The following ITIH3 variants were observed in gnomAD, a reference collection of about 807,000 sequenced individuals.
ITIH3 encodes the protein inter-alpha-trypsin inhibitor heavy chain H3.
In ITIH3, 81 loss-of-function variants were observed where a neutral mutation model predicts 96.5. That is an observed-to-expected ratio of 0.84 (90% CI 0.70 to 1.01). ITIH3 has a LOEUF of 1.01. Among genes scored for constraint, ITIH3 ranks in the 50% least tolerant of loss-of-function variants. ITIH3 has a pLI of 0.00. For synonymous variants in ITIH3, 422 were observed against 445.2 expected (o/e 0.95, Z 0.66); for missense variants, 1,057 against 1,139.3 (o/e 0.93, Z 1.04).
intron 15 of ITIH3, chr3:52,805,333 C>G: frequency 9.9e-7 from 1 of 1,011,162 alleles, no homozygotes; most frequent in Non-Finnish European, 1.2e-6. Context: ...TGGGCCATCA[C>G]ATTCCCCTCA....
intron 13 of ITIH3, among the ~76,000 whole-genome samples, chr3:52,803,519 A>G (rs1193877517): frequency 6.6e-6 from 1 of 151,948 alleles, no homozygotes; most frequent in East Asian, 1.9e-4. Flanking sequence ...GGGTTTCACC[A>G]TGTTGGCCAG....
At chr3:52,803,310 TATTTTATTATTATTA>T (rs1357815514) in intron 13 of ITIH3, among the ~76,000 whole-genome samples, 126 of 119,790 alleles carry the variant, frequency 1.1e-3, no homozygotes, top group African/African-American at 6.2e-3. Flanking sequence ...TTATTTATTT[TATTTTATTATTATTA>T]TTTTTTTTTT....
chr3:52,807,682 T>C (rs1410786458), intron 19 of ITIH3, 65 bp from the exon 20 acceptor site: 2 of 1,526,794 alleles, frequency 1.3e-6, no homozygotes, highest in Non-Finnish European at 1.8e-6. Context: ...CAAAACGCCC[T>C]TGAGTCAGAT....
intron 16 of ITIH3, 116 bp downstream of exon 16, chr3:52,805,956 C>A: frequency 6.5e-7 from 1 of 1,530,090 alleles, no homozygotes; most frequent in Admixed American, 1.7e-5. Flanking sequence ...GGACAATGTG[C>A]CCTGAGGAGA....
intron 5 of ITIH3, 70 bp from the exon 6 acceptor site, chr3:52,797,747 C>A: frequency 1.1e-6 from 1 of 940,678 alleles, no homozygotes; most frequent in Non-Finnish European, 1.7e-6. Context: ...CATCTCATTC[C>A]CATTGGCCTT....
In ITIH3 at chr3:52,797,933, G is replaced by T. The variant is rs780269806; in HGVS notation, c.663+3G>T. 9.6e-6 allele frequency: 15 copies of T among 1,559,326 alleles called. No individual in the cohort carries two copies. The African/African-American group carries it at 1.6e-4, about 17-fold the overall frequency. On this transcript the variant is annotated splice_donor_region_variant and intron_variant, in intron 6 of 21. Coordinates refer to ENST00000449956, the MANE Select transcript of ITIH3 (RefSeq NM_002217.4). ...CCAAGTCCTTCTCAGGGAAAAAGGT[G>T]ATGTAGATGCCTCTCAGACCTGGTG... is the stretch of plus-strand genomic sequence containing the variant.
chr3:52,807,775 ATGGTGGTCTCCTT>A lies in ITIH3; in HGVS notation c.2294_2306del (p.Val765GlufsTer24), dbSNP rs780938952. The A allele has an allele frequency of 6.2e-7, 1 of 1,612,180 alleles. No homozygotes were observed. The highest frequency in any genetic ancestry group is 1.1e-5 in the South Asian group (1 of 90,472). The stretch of plus-strand genomic sequence containing the variant: ...GTCCATGATGATCAACAGGAAGAAC[ATGGTGGTCTCCTT>A]TGGAGATGGGGTTACCTTCGTGGTC... On this transcript the variant is annotated frameshift_variant, in exon 20 of 22. Coordinates refer to ENST00000449956, the MANE Select transcript of ITIH3 (RefSeq NM_002217.4). LOFTEE classifies it high-confidence loss of function.
chr3:52,802,297 C>A (rs1699860159), intron 11 of ITIH3, 37 bp from the exon 12 acceptor site: 3 of 1,607,150 alleles, frequency 1.9e-6, no homozygotes, highest in South Asian at 1.1e-5. Context: ...GGAGCCTGAC[C>A]TGGGGCTTGA....
rs761153708 is a variant in ITIH3 at position 52,808,585 on chromosome 3, C to T, written c.2577C>T (p.Ser859=). 1 of 1,614,010 alleles carries T rather than the reference C, an allele frequency of 6.2e-7. No homozygotes were observed. Among genetic ancestry groups the T allele is most frequent in the Admixed American group, 1.7e-5 (1 of 60,032 alleles). Residue 859 remains serine, a synonymous_variant, in exon 22 of 22, where the codon AGC becomes AGT. Coordinates refer to ENST00000449956, the MANE Select transcript of ITIH3 (RefSeq NM_002217.4). ...GSQKDYRKDA[S]IGTKVVCWFV... ...AGAAAGACTACAGAAAGGATGCCAG[C>T]ATCGGCACGAAGGTTGTCTGCTGGT...
intron 15 of ITIH3, 44 bp from the exon 16 acceptor site, chr3:52,805,764 A>T: frequency 6.2e-7 from 1 of 1,611,084 alleles, no homozygotes; most frequent in Non-Finnish European, 8.5e-7. Flanking sequence ...CTGGGGGAGA[A>T]GGAACCCCTA....
chr3:52,802,401 T>C lies in ITIH3; in HGVS notation c.1451T>C (p.Ile484Thr), dbSNP rs1267175925. The C allele has an allele frequency of 3.7e-6, 6 of 1,613,918 alleles. No individual in the cohort carries two copies. The highest frequency in any genetic ancestry group is 5.1e-6 in the Non-Finnish European group (6 of 1,179,858). Residue 484 changes from isoleucine to threonine, a missense_variant, in exon 12 of 22, where the codon ATC becomes ACC. Coordinates refer to ENST00000449956, the MANE Select transcript of ITIH3 (RefSeq NM_002217.4). Reference protein sequence around the residue: ...GVEMEYPENAILDLTQNTYQH... With the variant: ...GVEMEYPENATLDLTQNTYQH... ...GAGATGGAGTACCCCGAGAACGCTA[T>C]CCTGGACCTCACCCAGAACACTTAC...
chr3:52,799,172 C>T, intron 7 of ITIH3, 81 bp downstream of exon 7: 1 of 1,529,504 alleles, frequency 6.5e-7, no homozygotes, highest in Admixed American at 1.8e-5. Context: ...AGTGCCATCA[C>T]CCTGGGTCCT....
At chr3:52,796,710 TCCCTACC>T in intron 3 of ITIH3, 22 bp from the exon 4 acceptor site, 1 of 1,605,480 alleles carries the variant, frequency 6.2e-7, no homozygotes, top group African/African-American at 1.3e-5. Context: ...CAGTGTGATC[TCCCTACC>T]CCCAACTCTC....
In ITIH3 at chr3:52,806,291, A is replaced by G. The variant is rs766933555; in HGVS notation, c.1943-2A>G. On this transcript the variant is annotated splice_acceptor_variant, in intron 17 of 21. Coordinates refer to ENST00000449956, the MANE Select transcript of ITIH3 (RefSeq NM_002217.4). LOFTEE classifies it high-confidence loss of function. Reference sequence around the variant, plus strand: ...TCAGCTCCTTCTCTAATGTGTCACCAGTGGACGGGGATCCCCACTTCATCA... The same window carrying G: ...TCAGCTCCTTCTCTAATGTGTCACCGGTGGACGGGGATCCCCACTTCATCA... 1.2e-6 allele frequency: 2 copies of G among 1,613,180 alleles called. No homozygotes were observed. Among genetic ancestry groups the G allele is most frequent in the Non-Finnish European group, 1.7e-6 (2 of 1,179,328 alleles).
rs111343131 is a variant in ITIH3 at position 52,806,140 on chromosome 3, T to A, written c.1942+2T>A. Reference sequence around the variant, plus strand: ...CTCCTCAAAACCCCTACTACTATGGTGAGTCCCTGGCTGCTCCTCGGGAAG... The same window carrying A: ...CTCCTCAAAACCCCTACTACTATGGAGAGTCCCTGGCTGCTCCTCGGGAAG... On this transcript the variant is annotated splice_donor_variant, in intron 17 of 21. Coordinates refer to ENST00000449956, the MANE Select transcript of ITIH3 (RefSeq NM_002217.4). LOFTEE classifies it high-confidence loss of function. The A allele has an allele frequency of 1.9e-6, 3 of 1,602,628 alleles. No individual in the cohort carries two copies. Among genetic ancestry groups the A allele is most frequent in the Non-Finnish European group, 1.7e-6 (2 of 1,174,556 alleles).
At chr3:52,805,726 A>C in intron 15 of ITIH3, 82 bp from the exon 16 acceptor site, 1 of 1,589,396 alleles carries the variant, frequency 6.3e-7, no homozygotes, top group Non-Finnish European at 8.6e-7. Context: ...GGGGCCCAGC[A>C]GCGCTAAGAC....
intron 11 of ITIH3, among the ~76,000 whole-genome samples, chr3:52,801,455 C>T (rs988295968): frequency 7.9e-5 from 12 of 152,288 alleles, no homozygotes; most frequent in African/African-American, 2.4e-4. Flanking sequence ...TAGTGTATGG[C>T]GGCTGCCATA....
Position 52,799,461 on chromosome 3 carries a change from C to T in ITIH3, c.879C>T (p.Gly293=), listed in dbSNP as rs1374650655. The change falls in exon 8 of 22, where the codon GGC becomes GGT. Residue 293 remains glycine, a synonymous_variant. Coordinates refer to ENST00000449956, the MANE Select transcript of ITIH3 (RefSeq NM_002217.4). ...TGGCCTTTGTGATTGACATCAGCGG[C>T]TCCATGGCTGGTCGGAAATTAGAGC... is the stretch of plus-strand genomic sequence containing the variant. ...KNVAFVIDIS[G]SMAGRKLEQT... is the part of the protein sequence containing the mutation. 6.2e-6 allele frequency: 10 copies of T among 1,612,146 alleles called. No individual in the cohort carries two copies. The highest frequency in any genetic ancestry group is 8.5e-6 in the Non-Finnish European group (10 of 1,179,120).
In ITIH3 at chr3:52,807,786, C is replaced by T. The variant is rs1463695690; in HGVS notation, c.2301C>T (p.Ser767=). 5.6e-6 allele frequency: 9 copies of T among 1,612,348 alleles called. No homozygotes were observed. Among genetic ancestry groups the T allele is most frequent in the South Asian group, 1.1e-5 (1 of 90,510 alleles). Residue 767 remains serine, a synonymous_variant, in exon 20 of 22, where the codon TCC becomes TCT. Coordinates refer to ENST00000449956, the MANE Select transcript of ITIH3 (RefSeq NM_002217.4). ...TCAACAGGAAGAACATGGTGGTCTCCTTTGGAGATGGGGTTACCTTCGTGG... is the reference window on the plus strand; with the variant it reads ...TCAACAGGAAGAACATGGTGGTCTCTTTTGGAGATGGGGTTACCTTCGTGG... ...MMINRKNMVV[S]FGDGVTFVVV...
Sources: gnomAD v4.1 joint callset for allele counts (sites outside exome capture counted in the v4.1 genomes callset) on GRCh38, gnomAD v4.1.1 for gene constraint, MANE v1.5 for transcripts, NCBI Gene and HGNC (gene_info 2026-07-23, HGNC 2026-07-21) for gene names.